AKAP13: variants seen among roughly 807,000 people sequenced by gnomAD.
The protein encoded by AKAP13 is A-kinase anchor protein 13.
Under a neutral mutation model 264.5 loss-of-function variants are expected in AKAP13, and 80 were observed. That is an observed-to-expected ratio of 0.30 (90% CI 0.25 to 0.36). The LOEUF (loss-of-function observed/expected upper bound fraction) is 0.36. Among genes scored for constraint, AKAP13 ranks in the 10% least tolerant of loss-of-function variants. The pLI, the probability that AKAP13 is intolerant of heterozygous loss-of-function variation, is 1.00. For synonymous variants in AKAP13, 1,380 were observed against 1,250.2 expected, an observed-to-expected ratio of 1.10 and a Z score of -2.19; for missense variants, 3,712 against 3,435.2, an observed-to-expected ratio of 1.08 and a Z score of -2.01.
chr15:85,701,782 A>G (rs1187701431), intron 17 of AKAP13, among the ~76,000 whole-genome samples: 2 of 149,682 alleles, frequency 1.3e-5, no homozygotes, highest in South Asian at 4.3e-4. Context: ...GACAGCAAAA[A>G]GGAATAGTTT....
intron 5 of AKAP13, among the ~76,000 whole-genome samples, chr15:85,571,738 A>G (rs2078824921): frequency 1.3e-5 from 2 of 152,268 alleles, no homozygotes; most frequent in South Asian, 4.1e-4. Context: ...TACCTTAAAT[A>G]GTGCCTGGCA....
intron 13 of AKAP13, among the ~76,000 whole-genome samples, chr15:85,665,476 G>A (rs2083541690): frequency 6.6e-6 from 1 of 152,098 alleles, no homozygotes; most frequent in Non-Finnish European, 1.5e-5. Flanking sequence ...CACCTTCCAG[G>A]AAATGTCAGT....
chr15:85,730,561 A>T lies in AKAP13; in HGVS notation c.7136A>T (p.Lys2379Met), dbSNP rs758421581. 1.2e-6 allele frequency: 2 copies of T among 1,614,172 alleles called. No individual in the cohort carries two copies. Among genetic ancestry groups the T allele is most frequent in the Non-Finnish European group, 1.7e-6 (2 of 1,180,022 alleles). Residue 2379 changes from lysine to methionine, a missense_variant, in exon 30 of 37, where the codon AAG becomes ATG. Lys to Met is a moderately conservative substitution (Grantham distance 95, BLOSUM62 -1). This residue lies in a region of AKAP13 where 342 missense variants were observed against 484.3 expected (regional missense o/e 0.71). Transcript: ENST00000394518. Reference sequence around the variant, plus strand: ...AAAATCCTACTCTTGTTGGAAGAGAAGGAGATGATTTTCCGGGACATGGCT... The same window carrying T: ...AAAATCCTACTCTTGTTGGAAGAGATGGAGATGATTTTCCGGGACATGGCT... ...DQKILLLLEE[K>M]EMIFRDMAEC...
At chr15:85,574,899 C>T (rs1018571734) in intron 5 of AKAP13, among the ~76,000 whole-genome samples, 2 of 152,120 alleles carry the variant, frequency 1.3e-5, no homozygotes, top group Non-Finnish European at 1.5e-5. Context: ...ATCTAAAGAA[C>T]ATTGTTAGGG....
intron 16 of AKAP13, among the ~76,000 whole-genome samples, chr15:85,687,101 A>T (rs2084977953): frequency 6.6e-6 from 1 of 152,172 alleles, no homozygotes; most frequent in Non-Finnish European, 1.5e-5. Flanking sequence ...TAGGAAAAAA[A>T]ACAACGTAAG....
chr15:85,505,781 T>G (rs191264185), intron 2 of AKAP13, among the ~76,000 whole-genome samples: 1 of 152,352 alleles, frequency 6.6e-6, no homozygotes, highest in Admixed American at 6.5e-5. Context: ...CTTAGTATTT[T>G]CCTGCTGAGA....
At position 85,439,887 on chromosome 15, in the gene AKAP13, G is replaced by A. The variant is rs2073549604; in HGVS notation, c.-11-45823G>A. Among the ~76,000 whole-genome samples, 7 of 150,046 alleles carry A rather than the reference G, an allele frequency of 4.7e-5. No homozygotes were observed. The South Asian group carries it at 1.1e-3, about 23-fold the overall frequency. ...CTAATGCTAGATGACGAGTTAGTGGGTGCAGCGCACGAGCATGGCACATGT... is the reference window on the plus strand; with the variant it reads ...CTAATGCTAGATGACGAGTTAGTGGATGCAGCGCACGAGCATGGCACATGT... On this transcript the variant is annotated intron_variant, in intron 1 of 36. Transcript: ENST00000394518.
chr15:85,524,001 G>A (rs1171149527), intron 3 of AKAP13, among the ~76,000 whole-genome samples: 2 of 152,216 alleles, frequency 1.3e-5, no homozygotes, highest in Non-Finnish European at 2.9e-5. Context: ...TTCGTGGAAA[G>A]TCCATGCAGT....
At chr15:85,682,593 A>G (rs1467975283) in intron 15 of AKAP13, among the ~76,000 whole-genome samples, 1 of 152,128 alleles carries the variant, frequency 6.6e-6, no homozygotes, top group Non-Finnish European at 1.5e-5. Context: ...AGTCTTAGCT[A>G]TTTTAAGCTT....
intron 1 of AKAP13, among the ~76,000 whole-genome samples, chr15:85,432,207 A>G (rs775961552): frequency 2.6e-5 from 4 of 152,096 alleles, no homozygotes; most frequent in African/African-American, 7.2e-5. Flanking sequence ...GCCTAACTCT[A>G]TAGTTTATTT....
intron 1 of AKAP13, among the ~76,000 whole-genome samples, chr15:85,424,112 G>C (rs2150906932): frequency 6.6e-6 from 1 of 152,290 alleles, no homozygotes; most frequent in Non-Finnish European, 1.5e-5. Flanking sequence ...GTGAGCATTG[G>C]CTTCAACTTA....
At chr15:85,500,979 C>T (rs1055826385) in intron 2 of AKAP13, among the ~76,000 whole-genome samples, 2 of 152,132 alleles carry the variant, frequency 1.3e-5, no homozygotes, top group African/African-American at 2.4e-5. Flanking sequence ...ACTGCTCAGG[C>T]GATGGTACAT....
intron 1 of AKAP13, among the ~76,000 whole-genome samples, chr15:85,383,135 C>G (rs1219263121): frequency 6.6e-6 from 1 of 152,056 alleles, no homozygotes; most frequent in Non-Finnish European, 1.5e-5. Flanking sequence ...CCAAGCCATC[C>G]TCCCACCTCA....
In AKAP13 at chr15:85,607,272, T is replaced by C. The variant is rs141044797; in HGVS notation, c.4161+21449T>C. Among the ~76,000 whole-genome samples the C allele has an allele frequency of 2.6e-5, 4 of 152,302 alleles. No individual in the cohort carries two copies. The East Asian group carries it at 7.7e-4, about 29-fold the overall frequency. On this transcript the variant is annotated intron_variant, in intron 8 of 36. Transcript: ENST00000394518. ...TGCTTTCCTTTGTCATGGTACAAAA[T>C]AGATCCAGAGGGGATATGGTAGTCT...
chr15:85,510,964 C>T (rs1030511628), intron 2 of AKAP13, among the ~76,000 whole-genome samples: 6 of 151,992 alleles, frequency 3.9e-5, no homozygotes, highest in African/African-American at 1.5e-4. Context: ...TTGGGTTCCT[C>T]TTGGGTCCAT....
chr15:85,573,097 G>GA (rs1465670013), intron 5 of AKAP13, among the ~76,000 whole-genome samples: 11 of 152,168 alleles, frequency 7.2e-5, no homozygotes, highest in African/African-American at 2.7e-4. Context: ...TGACTTAGTA[G>GA]AAAAAACTGG....
At chr15:85,570,609 C>G (rs1421827099) in intron 5 of AKAP13, among the ~76,000 whole-genome samples, 1 of 152,226 alleles carries the variant, frequency 6.6e-6, no homozygotes, top group African/African-American at 2.4e-5. Context: ...TCGATGCCAG[C>G]ACTACCGAGT....
chr15:85,722,065 C>T lies in AKAP13; in HGVS notation c.6327C>T (p.Asn2109=), dbSNP rs967455342. The T allele has an allele frequency of 1.9e-6, 3 of 1,614,032 alleles. No homozygotes were observed. Among genetic ancestry groups the T allele is most frequent in the Non-Finnish European group, 2.5e-6 (3 of 1,179,972 alleles). The change falls in exon 24 of 37, where the codon AAC becomes AAT. Residue 2109 remains asparagine, a synonymous_variant. Coordinates refer to ENST00000394518, the MANE Select transcript of AKAP13 (RefSeq NM_007200.5). The part of the protein sequence containing the change: ...KFCGQHNQSV[N]YFKDLYAKDK... ...GTGGGCAACATAACCAGTCTGTAAA[C>T]TACTTCAAAGACCTTTATGCCAAGG...
At chr15:85,477,939 G>T (rs1331800045) in intron 1 of AKAP13, among the ~76,000 whole-genome samples, 1 of 152,128 alleles carries the variant, frequency 6.6e-6, no homozygotes, top group Non-Finnish European at 1.5e-5. Flanking sequence ...GCTACTCACT[G>T]TGCTGTCATA....
Sources: gnomAD v4.1 joint callset for allele counts (sites outside exome capture counted in the v4.1 genomes callset) on GRCh38, gnomAD v4.1.1 for gene constraint, gnomAD v4.1.1 regional missense constraint, MANE v1.5 for transcripts, NCBI Gene and HGNC (gene_info 2026-07-23, HGNC 2026-07-21) for gene names.